The following NIBAN2 variants were observed in gnomAD, a reference collection of about 807,000 sequenced individuals.
NIBAN2 encodes the protein niban apoptosis regulator 2.
NIBAN2 carries 36 observed loss-of-function variants against 81.8 expected under a neutral mutation model. That is an observed-to-expected ratio of 0.44 (90% CI 0.34 to 0.58). The LOEUF (loss-of-function observed/expected upper bound fraction) is 0.58, where lower values mean the gene tolerates loss of function less well. NIBAN2 is among the 20% of genes least tolerant of loss of function. The pLI, the probability that NIBAN2 is intolerant of heterozygous loss-of-function variation, is 0.02. For missense variants in NIBAN2, 897 were observed against 1,014.1 expected (o/e 0.88, Z 1.57); for synonymous variants, 445 against 441.6 (o/e 1.01, Z -0.10).
At chr9:127,523,976 G>A (rs1837013164) in intron 4 of NIBAN2, 130 bp from the exon 5 acceptor site, 1 of 1,000,118 alleles carries the variant, frequency 1.0e-6, no homozygotes, top group East Asian at 2.5e-5. Flanking sequence ...CCTGTCCCAA[G>A]GTGACCAGCA....
At chr9:127,528,267 C>T (rs750785453) in intron 2 of NIBAN2, among the ~76,000 whole-genome samples, 18 of 152,258 alleles carry the variant, frequency 1.2e-4, no homozygotes, top group Non-Finnish European at 2.4e-4. Context: ...AGGTGCAAGG[C>T]GTCCTGAGCA....
At chr9:127,569,176 C>T, upstream of NIBAN2, 1 of 725,640 alleles carries the variant, frequency 1.4e-6, no homozygotes, top group Non-Finnish European at 1.6e-6. Flanking sequence ...CGCTGCCCTG[C>T]GCCCGCCGCG....
At chr9:127,520,599 A>G (rs1836919231) in intron 5 of NIBAN2, among the ~76,000 whole-genome samples, 1 of 152,124 alleles carries the variant, frequency 6.6e-6, no homozygotes, top group African/African-American at 2.4e-5. Context: ...ACCAAATCCA[A>G]TACAACTAGT....
At chr9:127,534,703 G>A (rs1467126703) in intron 1 of NIBAN2, among the ~76,000 whole-genome samples, 1 of 152,178 alleles carries the variant, frequency 6.6e-6, no homozygotes, top group African/African-American at 2.4e-5. Flanking sequence ...CCAGATTCCA[G>A]TTTGGGGGGA....
chr9:127,541,379 A>G (rs1184733388), intron 1 of NIBAN2, among the ~76,000 whole-genome samples: 1 of 152,102 alleles, frequency 6.6e-6, no homozygotes, highest in Non-Finnish European at 1.5e-5. Context: ...TCATTATTTC[A>G]CGCACTGTCC....
intron 1 of NIBAN2, among the ~76,000 whole-genome samples, chr9:127,541,368 CTCAT>C (rs1291861949): frequency 6.6e-6 from 1 of 152,244 alleles, no homozygotes; most frequent in African/African-American, 2.4e-5. Flanking sequence ...CACATGCACA[CTCAT>C]TATTTCACGC....
rs563743571 is a variant in NIBAN2, at chr9:127,517,625, G to A, written c.705+201C>T. Among the ~76,000 whole-genome samples, 1 of 152,306 alleles carries A rather than the reference G, an allele frequency of 6.6e-6. No homozygotes were observed. The highest frequency in any genetic ancestry group is 1.9e-4 in the East Asian group (1 of 5,186). ...CCCCAGTGCCTCGTCCAGGGTAGGT[G>A]CTCAGATGCCCAGTAAGTGATGAAT... is the stretch of plus-strand genomic sequence containing the variant. On this transcript the variant is annotated intron_variant, in intron 6 of 13. Coordinates refer to ENST00000373312, the MANE Select transcript of NIBAN2 (RefSeq NM_022833.4). This position sits in a 1 kb window ranked among gnomAD's most constrained non-coding sequence, Gnocchi z 4.0.
chr9:127,577,382 C>G (rs184510242), intron 1 of NIBAN2, among the ~76,000 whole-genome samples: 26 of 151,988 alleles, frequency 1.7e-4, no homozygotes, highest in South Asian at 6.2e-4. Context: ...CTGCAATACC[C>G]CACGCTTCCC....
chr9:127,507,395 A>G lies in NIBAN2; in HGVS notation c.1691T>C (p.Leu564Pro). The part of the protein sequence containing the change: ...KEAAVQRKHN[L>P]YRDSMVMHNS... The stretch of plus-strand genomic sequence containing the variant: ...GTGCATGACCATGCTGTCCCGGTAG[A>G]GGTTGTGCTTCCTCTGCACCGCGGC... The change falls in exon 14 of 14, where the codon CTC becomes CCC. Residue 564 changes from leucine (L) to proline (P), a missense_variant. By Grantham distance (98) the Leu-to-Pro change is moderately conservative (BLOSUM62 -3). Transcript: ENST00000373312. The surrounding 1 kb of genome is among the most constrained non-coding windows in gnomAD (Gnocchi z 6.8). 6.6e-7 allele frequency: 1 copy of G among 1,519,192 alleles called. No individual in the cohort carries two copies. Among genetic ancestry groups the G allele is most frequent in the South Asian group, 1.3e-5 (1 of 76,042 alleles). The allele number at this position is 1,519,192 out of a possible 1,614,324, so 94.1% of individuals were successfully genotyped here. A position where few individuals can be genotyped will look rare whatever the true frequency, so the allele number is the denominator to read the frequency against.
At chr9:127,519,356 G>T (rs2132168109) in intron 5 of NIBAN2, among the ~76,000 whole-genome samples, 1 of 152,264 alleles carries the variant, frequency 6.6e-6, no homozygotes, top group East Asian at 1.9e-4. Flanking sequence ...TTGGCAGGAA[G>T]TTACAAAATC....
At position 127,516,999 on chromosome 9, in the gene NIBAN2, G is replaced by C. The variant is rs775395342; in HGVS notation, c.831C>G (p.His277Gln). 1.2e-6 allele frequency: 2 copies of C among 1,613,860 alleles called. No individual in the cohort carries two copies. The highest frequency in any genetic ancestry group is 4.5e-5 in the East Asian group (2 of 44,878). The change falls in exon 8 of 14, where the codon CAC (histidine) becomes CAG (glutamine). Residue 277 changes from histidine to glutamine, a missense_variant. By Grantham distance (24) the His-to-Gln change is conservative. Around this residue, in one of 3 missense-constraint regions of NIBAN2, gnomAD observed 619 missense variants for 691.0 expected, o/e 0.90. Transcript: ENST00000373312. ...QWIQISDAVY[H>Q]MVYEQAKARF... Reference sequence around the variant, plus strand: ...GCGCCTTGGCCTGCTCGTACACCATGTGGTACACGGCGTCCGAGATCTGTG... The same window carrying C: ...GCGCCTTGGCCTGCTCGTACACCATCTGGTACACGGCGTCCGAGATCTGTG...
At chr9:127,574,291 C>T (rs1474111097) in intron 1 of NIBAN2, among the ~76,000 whole-genome samples, 1 of 152,178 alleles carries the variant, frequency 6.6e-6, no homozygotes, top group African/African-American at 2.4e-5. Flanking sequence ...ATGCCACCTA[C>T]AGGTCCTGAC....
chr9:127,568,734 C>A, intron 1 of NIBAN2, 86 bp downstream of exon 1: 2 of 1,157,478 alleles, frequency 1.7e-6, no homozygotes, highest in Non-Finnish European at 2.1e-6. Flanking sequence ...GCCCCCGGCC[C>A]CGGCGCCAAC....
upstream of NIBAN2, among the ~76,000 whole-genome samples, chr9:127,571,517 G>A (rs1394502765): frequency 6.6e-6 from 1 of 152,148 alleles, no homozygotes; most frequent in Non-Finnish European, 1.5e-5. Flanking sequence ...CCAACATGGT[G>A]AAACCCCATC....
At chr9:127,511,789 T>C (rs1400158929) in intron 8 of NIBAN2, among the ~76,000 whole-genome samples, 1 of 152,016 alleles carries the variant, frequency 6.6e-6, no homozygotes, top group Non-Finnish European at 1.5e-5. Flanking sequence ...AAAGAAGACA[T>C]ATAAATGGCA....
chr9:127,554,554 T>C (rs1464031115), intron 1 of NIBAN2, among the ~76,000 whole-genome samples: 88 of 141,710 alleles, frequency 6.2e-4, no homozygotes, highest in South Asian at 3.3e-3. Flanking sequence ...TTTTCTTTTT[T>C]TTTTTTTTTT....
rs576371826 is a variant in NIBAN2, at chr9:127,508,905, C to A, written c.1317+71G>T. ...GCATGACGGGACGGAGCAGAAGGGACCCCCTGGGCGAGGGGGCCTGTGGAA... is the reference window on the plus strand; with the variant it reads ...GCATGACGGGACGGAGCAGAAGGGAACCCCTGGGCGAGGGGGCCTGTGGAA... On this transcript the variant is annotated intron_variant, in intron 10 of 13. Transcript: ENST00000373312. This position sits in a 1 kb window ranked among gnomAD's most constrained non-coding sequence, Gnocchi z 6.4. 1.9e-6 allele frequency: 3 copies of A among 1,555,706 alleles called. No individual in the cohort carries two copies. The highest frequency in any genetic ancestry group is 2.2e-5 in the South Asian group (2 of 89,652).
intron 1 of NIBAN2, among the ~76,000 whole-genome samples, chr9:127,552,646 A>G (rs1302283379): frequency 6.6e-6 from 1 of 151,122 alleles, no homozygotes; most frequent in Non-Finnish European, 1.5e-5. Context: ...TGACTGAGTA[A>G]GTTAAAATAT....
At chr9:127,527,057 T>C (rs368050476) in intron 3 of NIBAN2, 137 bp downstream of exon 3, 5 of 1,029,030 alleles carry the variant, frequency 4.9e-6, no homozygotes, top group African/African-American at 3.1e-5. Context: ...GGGGAGGGGC[T>C]GAGGTGGTGC....
Sources: gnomAD v4.1 joint callset for allele counts (sites outside exome capture counted in the v4.1 genomes callset) on GRCh38, gnomAD v4.1.1 for gene constraint, gnomAD v4.1.1 regional missense constraint, Gnocchi (gnomAD v3.1) non-coding constraint, MANE v1.5 for transcripts, NCBI Gene and HGNC (gene_info 2026-07-23, HGNC 2026-07-21) for gene names.